PPM1L: variants seen among roughly 807,000 people sequenced by gnomAD.
PPM1L encodes protein phosphatase 1L.
Under a neutral mutation model 31.4 loss-of-function variants are expected in PPM1L, and 13 were observed. That is an observed-to-expected ratio of 0.41 (90% CI 0.27 to 0.66). PPM1L has a LOEUF of 0.66. PPM1L is among the 30% of genes least tolerant of loss of function. The probability of loss-of-function intolerance (pLI) is 0.29; values close to 1 mark genes in which losing one functional copy is unlikely to be tolerated. For synonymous variants in PPM1L, 184 were observed against 175.4 expected, an observed-to-expected ratio of 1.05 and a Z score of -0.39; for missense variants, 326 against 453.7, an observed-to-expected ratio of 0.72 and a Z score of 2.56.
At chr3:160,814,193 A>G (rs1374508306) in intron 1 of PPM1L, among the ~76,000 whole-genome samples, 1 of 152,040 alleles carries the variant, frequency 6.6e-6, no homozygotes, top group Non-Finnish European at 1.5e-5. Context: ...CCTTCCCCTC[A>G]TCTACAGAGC....
intron 1 of PPM1L, among the ~76,000 whole-genome samples, chr3:160,956,693 A>T (rs1421536378): frequency 6.6e-6 from 1 of 152,254 alleles, no homozygotes; most frequent in African/African-American, 2.4e-5. Flanking sequence ...GTGAATTATG[A>T]TTGGGTTTGA....
At chr3:160,975,012 C>A (rs1337305022) in intron 2 of PPM1L, among the ~76,000 whole-genome samples, 9 of 152,052 alleles carry the variant, frequency 5.9e-5, no homozygotes, top group Admixed American at 5.9e-4. Context: ...TTAGGTCTAA[C>A]ATTTAAGTCT....
intron 1 of PPM1L, among the ~76,000 whole-genome samples, chr3:160,835,921 G>C (rs1337000351): frequency 6.6e-6 from 1 of 151,726 alleles, no homozygotes; most frequent in Non-Finnish European, 1.5e-5. Flanking sequence ...CATTATCCAG[G>C]GGGTATCTAG....
At chr3:160,989,695 T>G (rs1717069781) in intron 2 of PPM1L, among the ~76,000 whole-genome samples, 1 of 152,214 alleles carries the variant, frequency 6.6e-6, no homozygotes, top group Non-Finnish European at 1.5e-5. Flanking sequence ...AGTCTTGCTC[T>G]GTCACCCATG....
intron 1 of PPM1L, among the ~76,000 whole-genome samples, chr3:160,771,050 T>C (rs1715241784): frequency 6.6e-6 from 1 of 152,210 alleles, no homozygotes; most frequent in African/African-American, 2.4e-5. Flanking sequence ...TATGTAATTA[T>C]AAATGTGTAA....
chr3:160,863,690 C>G (rs574187596), intron 1 of PPM1L, among the ~76,000 whole-genome samples: 8 of 152,160 alleles, frequency 5.3e-5, no homozygotes, highest in African/African-American at 1.9e-4. Flanking sequence ...ACAGTTTGAT[C>G]TTTAACAATT....
At chr3:161,062,708 C>A (rs528195186) in intron 2 of PPM1L, among the ~76,000 whole-genome samples, 1 of 152,134 alleles carries the variant, frequency 6.6e-6, no homozygotes, top group Admixed American at 6.6e-5. Flanking sequence ...AGAAATCTTG[C>A]GTGGCAGCTG....
intron 1 of PPM1L, among the ~76,000 whole-genome samples, chr3:160,803,619 C>T (rs1242054876): frequency 6.6e-6 from 1 of 151,836 alleles, no homozygotes; most frequent in Non-Finnish European, 1.5e-5. Flanking sequence ...AGTGTTCATA[C>T]TAATATATGT....
intron 1 of PPM1L, among the ~76,000 whole-genome samples, chr3:160,897,831 A>G (rs189555619): frequency 2.6e-5 from 4 of 152,338 alleles, no homozygotes; most frequent in Non-Finnish European, 5.9e-5. Context: ...TTTTAATAAC[A>G]ATACTCTCAG....
At chr3:160,872,788 G>C (rs539949673) in intron 1 of PPM1L, among the ~76,000 whole-genome samples, 1 of 152,024 alleles carries the variant, frequency 6.6e-6, no homozygotes, top group Non-Finnish European at 1.5e-5. Context: ...TTAGCTGGGC[G>C]TGGTGGCAGG....
At chr3:160,784,158 T>TA (rs902341241) in intron 1 of PPM1L, among the ~76,000 whole-genome samples, 4 of 152,112 alleles carry the variant, frequency 2.6e-5, no homozygotes, top group African/African-American at 7.2e-5. Context: ...TACTTGCTTT[T>TA]AAAAAAAGCG....
chr3:160,984,767 A>G (rs549972627), intron 2 of PPM1L, among the ~76,000 whole-genome samples: 1 of 152,192 alleles, frequency 6.6e-6, no homozygotes, highest in Non-Finnish European at 1.5e-5. Context: ...TCTAACCACC[A>G]AAAATAATAA....
At chr3:160,839,601 A>C (rs945030518) in intron 1 of PPM1L, among the ~76,000 whole-genome samples, 1 of 152,204 alleles carries the variant, frequency 6.6e-6, no homozygotes, top group African/African-American at 2.4e-5. Flanking sequence ...TGGCTTCCCA[A>C]CTGGATTGGT....
At chr3:161,046,192 C>G (rs887027290) in intron 2 of PPM1L, among the ~76,000 whole-genome samples, 2 of 147,864 alleles carry the variant, frequency 1.4e-5, no homozygotes, top group Admixed American at 6.8e-5. Context: ...AGACCGCTAG[C>G]AAGACTAATA....
At chr3:160,984,370 C>A (rs915428990) in intron 2 of PPM1L, among the ~76,000 whole-genome samples, 3 of 152,168 alleles carry the variant, frequency 2.0e-5, no homozygotes, top group African/African-American at 7.2e-5. Context: ...GGCAGCCAGA[C>A]TTTAAGGTTA....
At chr3:160,993,476 G>A (rs1717201755) in intron 2 of PPM1L, among the ~76,000 whole-genome samples, 1 of 152,150 alleles carries the variant, frequency 6.6e-6, no homozygotes, top group Non-Finnish European at 1.5e-5. Context: ...GTGGTCACAA[G>A]GTGGTAAAAA....
chr3:160,823,073 GA>G (rs554429471), intron 1 of PPM1L, among the ~76,000 whole-genome samples: 6 of 151,590 alleles, frequency 4.0e-5, no homozygotes, highest in South Asian at 2.1e-4. Context: ...ATCTCAAGAG[GA>G]AAAAAAAGAA....
At chr3:161,061,425 A>G (rs144855225) in intron 2 of PPM1L, among the ~76,000 whole-genome samples, 1 of 152,302 alleles carries the variant, frequency 6.6e-6, no homozygotes, top group Non-Finnish European at 1.5e-5. Context: ...TTACCCATAG[A>G]AACAGTGGGA....
At chr3:160,897,435 G>T (rs771400734) in intron 1 of PPM1L, among the ~76,000 whole-genome samples, 1 of 152,086 alleles carries the variant, frequency 6.6e-6, no homozygotes, top group Admixed American at 6.6e-5. Flanking sequence ...TTAGTCTTCT[G>T]CCATGACCCC....
Sources: allele counts gnomAD v4.1 joint callset (sites outside exome capture counted in the v4.1 genomes callset), GRCh38; gene constraint gnomAD v4.1.1; transcripts MANE v1.5; gene names NCBI Gene and HGNC (gene_info 2026-07-23, HGNC 2026-07-21).